CYP2J2: variants seen among roughly 807,000 people sequenced by gnomAD.
The protein encoded by CYP2J2 is cytochrome P450 2J2.
A neutral mutation model predicts 48.8 loss-of-function variants in CYP2J2; 41 were observed. The ratio of observed to expected loss-of-function variants is 0.84; its 90% CI spans 0.66 to 1.09. The LOEUF (loss-of-function observed/expected upper bound fraction) is 1.09, where lower values mean the gene tolerates loss of function less well. Ranked by LOEUF, CYP2J2 falls within the 50% of genes least tolerant of loss-of-function variation. The probability of loss-of-function intolerance (pLI) is 0.00; values close to 1 mark genes in which losing one functional copy is unlikely to be tolerated. For missense variants in CYP2J2, 644 were observed against 617.3 expected, an observed-to-expected ratio of 1.04 and a Z score of -0.46; for synonymous variants, 221 against 227.1, an observed-to-expected ratio of 0.97 and a Z score of 0.24.
At chr1:59,937,691 A>G in the CYP2J2 span, among the ~76,000 whole-genome samples, 2 of 152,126 alleles carry the variant, frequency 1.3e-5, no homozygotes, top group Non-Finnish European at 2.9e-5. Context: ...TTTCAGGCCA[A>G]TAACTCTTAG....
At chr1:59,945,878 C>T in the CYP2J2 span, among the ~76,000 whole-genome samples, 1 of 152,220 alleles carries the variant, frequency 6.6e-6, no homozygotes, top group South Asian at 2.1e-4. Context: ...AAATCTACTT[C>T]AGTCTACCTT....
chr1:59,939,247 T>A, the CYP2J2 span, among the ~76,000 whole-genome samples: 1 of 152,212 alleles, frequency 6.6e-6, no homozygotes, highest in Non-Finnish European at 1.5e-5. Context: ...TTTCCAGGTA[T>A]CTGAAAAAAC....
rs76900855 is a variant in CYP2J2, at chr1:59,911,701, G to A, written c.591C>T (p.Phe197=). Residue 197 remains phenylalanine (F), a synonymous_variant, in exon 4 of 9, where the codon TTC becomes TTT. Coordinates refer to ENST00000371204, the MANE Select transcript of CYP2J2 (RefSeq NM_000775.4). ...AVSNIICSIT[F]GERFEYQDSW... is the part of the protein sequence containing the mutation. ...TATCCTGGTACTCAAAGCGTTCTCC[G>A]AAGGTGATGGAGCAAATGATATTGG... The A allele has an allele frequency of 1.6e-4, 262 of 1,613,568 alleles. 1 individual carries two copies. The East Asian group carries it at 5.3e-3, about 33-fold the overall frequency.
chr1:59,951,924 T>C, the CYP2J2 span, among the ~76,000 whole-genome samples: 9 of 152,164 alleles, frequency 5.9e-5, no homozygotes, highest in Admixed American at 5.9e-4. Flanking sequence ...CCTACCCCAC[T>C]TCCCATCTCT....
At chr1:59,962,689 T>G in the CYP2J2 span, among the ~76,000 whole-genome samples, 3 of 152,222 alleles carry the variant, frequency 2.0e-5, no homozygotes, top group African/African-American at 7.2e-5. Flanking sequence ...CAACTGGTGT[T>G]GCTGAATTGA....
chr1:59,898,478 G>C lies in CYP2J2; in HGVS notation c.1330+2487C>G, dbSNP rs11572315. 2.4e-3 allele frequency among the ~76,000 whole-genome samples: 373 copies of C among 152,310 alleles called. 1 individual carries two copies. Among genetic ancestry groups the C allele is most frequent in the African/African-American group, 8.3e-3 (344 of 41,566 alleles). ...TATCCAGGGGGCCGAGCCAAGATGG[G>C]CACAGCCACATATCTGACTTATAGA... On this transcript the variant is annotated intron_variant, in intron 8 of 8. Transcript: ENST00000371204.
the CYP2J2 span, among the ~76,000 whole-genome samples, chr1:59,961,630 A>C: frequency 6.6e-6 from 1 of 152,176 alleles, no homozygotes; most frequent in Non-Finnish European, 1.5e-5. Flanking sequence ...ATATATAATG[A>C]AAAATGAAAA....
the CYP2J2 span, among the ~76,000 whole-genome samples, chr1:59,939,935 T>C: frequency 3.3e-3 from 509 of 152,182 alleles, 1 homozygote; most frequent in African/African-American, 0.012. Flanking sequence ...AGTCAGCTTG[T>C]GGTGAATGCT....
At chr1:59,910,083 C>T (rs1644399050) in intron 4 of CYP2J2, 123 bp from the exon 5 acceptor site, 1 of 699,704 alleles carries the variant, frequency 1.4e-6, no homozygotes, top group African/African-American at 1.9e-5. Context: ...CTTGGTTATC[C>T]TTGACCCCTC....
chr1:59,965,656 GTTT>G, the CYP2J2 span, among the ~76,000 whole-genome samples: 3 of 152,016 alleles, frequency 2.0e-5, no homozygotes, highest in Non-Finnish European at 2.9e-5. Context: ...CCCAAATTCT[GTTT>G]TTTTGTTTTT....
the CYP2J2 span, among the ~76,000 whole-genome samples, chr1:59,963,656 AG>A: frequency 6.6e-6 from 1 of 152,188 alleles, no homozygotes; most frequent in Non-Finnish European, 1.5e-5. Flanking sequence ...ATAGATGTAC[AG>A]GTATCTGTTC....
chr1:59,913,918 A>T (rs964935694), intron 2 of CYP2J2, among the ~76,000 whole-genome samples: 2 of 152,198 alleles, frequency 1.3e-5, no homozygotes, highest in African/African-American at 4.8e-5. Flanking sequence ...AACTATTCCT[A>T]GCCAAGCTCA....
At chr1:59,955,819 G>T in the CYP2J2 span, among the ~76,000 whole-genome samples, 1 of 149,532 alleles carries the variant, frequency 6.7e-6, no homozygotes, top group Non-Finnish European at 1.5e-5. Context: ...TAAAAGAAAA[G>T]GAAAGGCTGG....
At chr1:59,920,780 G>A (rs1218181529) in intron 1 of CYP2J2, among the ~76,000 whole-genome samples, 1 of 152,170 alleles carries the variant, frequency 6.6e-6, no homozygotes, top group Non-Finnish European at 1.5e-5. Context: ...CTTAGTTTCT[G>A]TGTGATTTGG....
At chr1:59,920,652 T>A (rs868281465) in intron 1 of CYP2J2, among the ~76,000 whole-genome samples, 17 of 152,086 alleles carry the variant, frequency 1.1e-4, no homozygotes, top group Middle Eastern at 6.8e-3. Flanking sequence ...ATATTTTGGA[T>A]CTTGTTTGGT....
At chr1:59,953,385 GC>G in the CYP2J2 span, among the ~76,000 whole-genome samples, 1 of 152,182 alleles carries the variant, frequency 6.6e-6, no homozygotes, top group East Asian at 1.9e-4. Context: ...CATGACAACA[GC>G]CTGCTTTATT....
chr1:59,954,591 G>C, the CYP2J2 span, among the ~76,000 whole-genome samples: 3 of 147,856 alleles, frequency 2.0e-5, no homozygotes, highest in South Asian at 2.1e-4. Flanking sequence ...GGTGGGTCGG[G>C]GGGGGATGCA....
chr1:59,946,096 T>C, the CYP2J2 span, among the ~76,000 whole-genome samples: 2 of 150,710 alleles, frequency 1.3e-5, no homozygotes, highest in African/African-American at 5.0e-5. Context: ...AAAGTACCTG[T>C]CTAATGCCTT....
intron 8 of CYP2J2, among the ~76,000 whole-genome samples, chr1:59,898,455 T>A (rs1436698281): frequency 6.6e-6 from 1 of 152,190 alleles, no homozygotes; most frequent in East Asian, 1.9e-4. Flanking sequence ...ATCAGAGATA[T>A]CCAGGGGGCC....
Sources: gnomAD v4.1 joint callset for allele counts (sites outside exome capture counted in the v4.1 genomes callset) on GRCh38, gnomAD v4.1.1 for gene constraint, MANE v1.5 for transcripts, NCBI Gene and HGNC (gene_info 2026-07-23, HGNC 2026-07-21) for gene names.